The following PLCE1 variants were observed in gnomAD, a reference collection of about 807,000 sequenced individuals.
The protein encoded by PLCE1 is phospholipase C epsilon 1.
PLCE1 carries 119 observed loss-of-function variants against 242.8 expected under a neutral mutation model. The ratio of observed to expected loss-of-function variants is 0.49; its 90% CI spans 0.42 to 0.57. The LOEUF (loss-of-function observed/expected upper bound fraction) is 0.57, where lower values mean the gene tolerates loss of function less well. Among genes scored for constraint, PLCE1 ranks in the 20% least tolerant of loss-of-function variants. The pLI, the probability that PLCE1 is intolerant of heterozygous loss-of-function variation, is 0.00. For synonymous variants in PLCE1, 945 were observed against 1,017.4 expected, an observed-to-expected ratio of 0.93 and a Z score of 1.35; for missense variants, 2,441 against 2,788.8, an observed-to-expected ratio of 0.88 and a Z score of 2.81.
rs368329873 is a variant in PLCE1, at chr10:94,252,307, C to T, written c.3097-9C>T. 119 of 1,613,632 alleles carry T rather than the reference C, an allele frequency of 7.4e-5. No homozygotes were observed. The highest frequency in any genetic ancestry group is 9.6e-5 in the Non-Finnish European group (113 of 1,179,594). Reference sequence around the variant, plus strand: ...TTCCTATTGTGTTCACCATGTGGCTCTTTCACAGGAGGATGGACGGTATGA... The same window carrying T: ...TTCCTATTGTGTTCACCATGTGGCTTTTTCACAGGAGGATGGACGGTATGA... On this transcript the variant is annotated splice_polypyrimidine_tract_variant and intron_variant, in intron 8 of 32. Transcript: ENST00000371380.
chr10:94,216,297 C>T (rs193102207), intron 4 of PLCE1, among the ~76,000 whole-genome samples: 41 of 152,256 alleles, frequency 2.7e-4, no homozygotes, highest in African/African-American at 9.4e-4. Context: ...AGGAGCACTC[C>T]TTATAGGAAG....
chr10:94,227,688 G>A (rs2049994723), intron 5 of PLCE1, among the ~76,000 whole-genome samples: 1 of 152,196 alleles, frequency 6.6e-6, no homozygotes, highest in African/African-American at 2.4e-5. Context: ...GTGATCCTGT[G>A]TTCTTTGCCA....
rs2133643071 is a variant in PLCE1 at position 94,306,766 on chromosome 10, CTT to C, written c.5884+81_5884+82del. 8.9e-7 allele frequency: 1 copy of C among 1,119,670 alleles called. No individual in the cohort carries two copies. The highest frequency in any genetic ancestry group is 1.5e-5 in the African/African-American group (1 of 64,906). The allele number at this position is 1,119,670 out of a possible 1,614,324, so 69.4% of individuals were successfully genotyped here. ...CCAGAATTTCCTTATACTCTTCTCTCTTTTCTGTTTGACATTTTCCTATAAAG... is the reference window on the plus strand; with the variant it reads ...CCAGAATTTCCTTATACTCTTCTCTCTTCTGTTTGACATTTTCCTATAAAG... On this transcript the variant is annotated intron_variant, in intron 26 of 32. Coordinates refer to ENST00000371380, the MANE Select transcript of PLCE1 (RefSeq NM_016341.4). The surrounding 1 kb of genome is among the most constrained non-coding windows in gnomAD (Gnocchi z 5.7).
Position 94,330,592 on chromosome 10 carries a change from A to C in PLCE1, c.*2649A>C, listed in dbSNP as rs1334276909. 6.6e-6 allele frequency: 1 copy of C among 151,786 alleles called. No individual in the cohort carries two copies. The highest frequency in any genetic ancestry group is 2.4e-5 in the African/African-American group (1 of 41,280). The allele number at this position is 151,786 out of a possible 1,614,324, so 9.4% of individuals were successfully genotyped here. A position where few individuals can be genotyped will look rare whatever the true frequency, so the allele number is the denominator to read the frequency against. Reference sequence around the variant, plus strand: ...TAAATCCCAGCTATTGGGGAGGCTGAGGCAGGAGAGAATTGCCTGAACTCA... The same window carrying C: ...TAAATCCCAGCTATTGGGGAGGCTGCGGCAGGAGAGAATTGCCTGAACTCA... On this transcript the variant is annotated 3_prime_UTR_variant, in exon 33 of 33. Transcript: ENST00000371380.
intron 2 of PLCE1, among the ~76,000 whole-genome samples, chr10:94,092,295 C>A (rs1042963202): frequency 3.3e-5 from 5 of 152,062 alleles, no homozygotes; most frequent in African/African-American, 1.2e-4. Flanking sequence ...TTTCCCTACC[C>A]CACCTTCTTT....
chr10:94,051,174 C>G (rs1296482734), intron 2 of PLCE1, among the ~76,000 whole-genome samples: 4 of 148,120 alleles, frequency 2.7e-5, no homozygotes, highest in Admixed American at 2.1e-4. Flanking sequence ...ACCAATGGGA[C>G]AAGATATCTG....
At chr10:94,093,934 CTTTTTTTT>C (rs398046178) in intron 2 of PLCE1, among the ~76,000 whole-genome samples, 2 of 79,192 alleles carry the variant, frequency 2.5e-5, no homozygotes, top group Non-Finnish European at 4.5e-5. Flanking sequence ...ATCGGTATTT[CTTTTTTTT>C]TTTTTTTTTT....
At chr10:94,224,463 A>G (rs1003168735) in intron 4 of PLCE1, among the ~76,000 whole-genome samples, 1 of 152,188 alleles carries the variant, frequency 6.6e-6, no homozygotes, top group African/African-American at 2.4e-5. Context: ...AAGAATGACA[A>G]CTTTCCAGAG....
chr10:94,214,931 CGT>C (rs2049467488), intron 4 of PLCE1, among the ~76,000 whole-genome samples: 1 of 152,146 alleles, frequency 6.6e-6, no homozygotes, highest in South Asian at 2.1e-4. Flanking sequence ...AGGGTACTTG[CGT>C]AAGCTATGTT....
At chr10:94,151,779 G>T (rs550595164) in intron 3 of PLCE1, among the ~76,000 whole-genome samples, 1 of 152,292 alleles carries the variant, frequency 6.6e-6, no homozygotes, top group African/African-American at 2.4e-5. Context: ...AGTGTCCTGA[G>T]CCAAGACTCA....
intron 2 of PLCE1, among the ~76,000 whole-genome samples, chr10:94,043,103 A>C (rs543927543): frequency 6.6e-6 from 1 of 152,328 alleles, no homozygotes; most frequent in East Asian, 1.9e-4. Flanking sequence ...GTTGTATATT[A>C]AAGTGCTTGG....
chr10:94,189,494 A>G (rs1411990537), intron 4 of PLCE1, among the ~76,000 whole-genome samples: 2 of 152,150 alleles, frequency 1.3e-5, no homozygotes, highest in Non-Finnish European at 2.9e-5. Context: ...ATAAAAAGAT[A>G]TAGATGCCAG....
Position 94,273,203 on chromosome 10 carries a change from C to T in PLCE1, c.4507-359C>T, listed in dbSNP as rs182038943. Among the ~76,000 whole-genome samples the T allele has an allele frequency of 8.4e-3, 1,281 of 152,322 alleles. 29 individuals are homozygous for T. Among genetic ancestry groups the T allele is most frequent in the African/African-American group, 0.029 (1,223 of 41,556 alleles). ...TCCCTACCCCCTCCAAAGTTTTATC[C>T]TTTTGACTTGACTTCATCTGAAACT... On this transcript the variant is annotated intron_variant, in intron 18 of 32. Coordinates refer to ENST00000371380, the MANE Select transcript of PLCE1 (RefSeq NM_016341.4).
chr10:94,244,936 A>G (rs186653263), intron 7 of PLCE1, among the ~76,000 whole-genome samples: 6 of 152,292 alleles, frequency 3.9e-5, no homozygotes, highest in East Asian at 3.9e-4. Context: ...TCTGGGCTCA[A>G]GCAGTCTGCC....
intron 2 of PLCE1, among the ~76,000 whole-genome samples, chr10:94,067,286 C>G (rs541834091): frequency 6.6e-6 from 1 of 152,266 alleles, no homozygotes; most frequent in East Asian, 1.9e-4. Context: ...CTGTTTCTAG[C>G]TGACTGAATC....
chr10:94,228,205 C>T (rs1415945491), intron 5 of PLCE1, among the ~76,000 whole-genome samples: 1 of 146,112 alleles, frequency 6.8e-6, no homozygotes, highest in Non-Finnish European at 1.5e-5. Flanking sequence ...TGCTTTATCC[C>T]CTTTTAGCCT....
At chr10:94,304,836 T>C (rs1033280934) in intron 25 of PLCE1, among the ~76,000 whole-genome samples, 191 bp downstream of exon 25, 30 of 152,296 alleles carry the variant, frequency 2.0e-4, no homozygotes, top group African/African-American at 7.0e-4. Context: ...CCAGACACTG[T>C]GTTTGCCAGA....
At chr10:94,234,554 A>G (rs1405607090) in intron 6 of PLCE1, among the ~76,000 whole-genome samples, 1 of 152,248 alleles carries the variant, frequency 6.6e-6, no homozygotes, top group African/African-American at 2.4e-5. Context: ...TGTAAGTACA[A>G]GTCAAAAAGG....
chr10:94,099,366 T>C (rs2045433651), intron 2 of PLCE1, among the ~76,000 whole-genome samples: 1 of 152,184 alleles, frequency 6.6e-6, no homozygotes. Flanking sequence ...TTCATACACA[T>C]TACCTCATTT....
Sources: allele counts gnomAD v4.1 joint callset (sites outside exome capture counted in the v4.1 genomes callset), GRCh38; gene constraint gnomAD v4.1.1; non-coding constraint Gnocchi (gnomAD v3.1); transcripts MANE v1.5; gene names NCBI Gene and HGNC (gene_info 2026-07-23, HGNC 2026-07-21).